ROBO2: variants seen among roughly 807,000 people sequenced by gnomAD.
The protein encoded by ROBO2 is roundabout guidance receptor 2, also known as roundabout homolog 2.
Under a neutral mutation model 160.8 loss-of-function variants are expected in ROBO2, and 53 were observed. The observed-to-expected ratio is 0.33, with a 90% confidence interval of 0.26 to 0.41. The LOEUF (loss-of-function observed/expected upper bound fraction) is 0.41, where lower values mean the gene tolerates loss of function less well. Ranked by LOEUF, ROBO2 falls within the 10% of genes least tolerant of loss-of-function variation. ROBO2 has a pLI of 1.00. For synonymous variants in ROBO2, 664 were observed against 611.7 expected (o/e 1.09, Z -1.26); for missense variants, 1,577 against 1,722.4 (o/e 0.92, Z 1.49).
In ROBO2 at chr3:76,652,169, G is replaced by A. The variant is rs146920026; in HGVS notation, c.110-445845G>A. Reference sequence around the variant, plus strand: ...AAGGCTAACTCAGAATTACTAGTCAGCCATGATTTTATCTTCTTCTGACCA... The same window carrying A: ...AAGGCTAACTCAGAATTACTAGTCAACCATGATTTTATCTTCTTCTGACCA... On this transcript the variant is annotated intron_variant, in intron 2 of 26. Coordinates refer to the ROBO2 transcript ENST00000487694. 1.1e-3 allele frequency among the ~76,000 whole-genome samples: 162 copies of A among 152,276 alleles called. 3 individuals are homozygous for A. The highest frequency in any genetic ancestry group is 3.8e-3 in the African/African-American group (157 of 41,558).
intron 2 of ROBO2, among the ~76,000 whole-genome samples, chr3:76,212,105 T>A (rs1020526318): frequency 3.3e-5 from 5 of 151,996 alleles, no homozygotes; most frequent in African/African-American, 9.7e-5. Context: ...TATTCAATTA[T>A]GTATGTTCTT....
intron 2 of ROBO2, among the ~76,000 whole-genome samples, chr3:77,368,026 T>C (rs982927921): frequency 1.3e-5 from 2 of 152,202 alleles, no homozygotes; most frequent in African/African-American, 2.4e-5. Flanking sequence ...GGAGTGTTTC[T>C]AGTGTCATCT....
intron 2 of ROBO2, among the ~76,000 whole-genome samples, chr3:76,801,831 A>C (rs2064222915): frequency 6.6e-6 from 1 of 152,196 alleles, no homozygotes; most frequent in Non-Finnish European, 1.5e-5. Context: ...CTTTTGATGT[A>C]AAGTGAGCAA....
chr3:75,920,193 GT>G (rs1268826352), intron 1 of ROBO2, among the ~76,000 whole-genome samples: 3 of 152,124 alleles, frequency 2.0e-5, no homozygotes, highest in African/African-American at 7.2e-5. Flanking sequence ...TCTAAACACT[GT>G]TTTACCTGTG....
At chr3:77,228,262 G>T (rs1218937741) in intron 2 of ROBO2, among the ~76,000 whole-genome samples, 1 of 151,986 alleles carries the variant, frequency 6.6e-6, no homozygotes, top group Non-Finnish European at 1.5e-5. Context: ...GAACTCCCGG[G>T]CTCAAGGGAT....
chr3:76,657,217 A>C (rs906016482), intron 2 of ROBO2, among the ~76,000 whole-genome samples: 7 of 150,340 alleles, frequency 4.7e-5, no homozygotes, highest in Admixed American at 1.3e-4. Context: ...CGAGGTCAGG[A>C]GATCGAGACC....
rs201494296 is a variant in ROBO2 at position 77,218,373 on chromosome 3, A to T, written c.388+120033A>T. On this transcript the variant is annotated intron_variant, in intron 2 of 25. Coordinates refer to ENST00000461745, the Ensembl canonical transcript of ROBO2. ...CATCCTTCATAGCTCAGCTGAAATT[A>T]TACTTTTTTTTTTTTTTTTGAAATG... Among the ~76,000 whole-genome samples the T allele has an allele frequency of 2.8e-4, 41 of 148,808 alleles. 1 individual carries two copies. The East Asian group carries it at 5.8e-3, about 21-fold the overall frequency.
intron 2 of ROBO2, among the ~76,000 whole-genome samples, chr3:76,841,496 G>A (rs567817338): frequency 2.0e-5 from 3 of 152,130 alleles, no homozygotes; most frequent in African/African-American, 7.2e-5. Context: ...CTGGTACATT[G>A]CCCCCCTCCC....
At chr3:75,959,230 G>A (rs1948822714) in intron 2 of ROBO2, among the ~76,000 whole-genome samples, 1 of 151,562 alleles carries the variant, frequency 6.6e-6, no homozygotes, top group African/African-American at 2.4e-5. Context: ...TAATTTTGTA[G>A]CATTTTGGGT....
chr3:76,605,802 C>T (rs1431233712), intron 2 of ROBO2, among the ~76,000 whole-genome samples: 1 of 145,256 alleles, frequency 6.9e-6, no homozygotes, highest in Non-Finnish European at 1.5e-5. Flanking sequence ...AGATTTTTCT[C>T]CCCCCCTTAT....
chr3:76,118,789 A>C (rs1309798360), intron 2 of ROBO2, among the ~76,000 whole-genome samples: 3 of 152,292 alleles, frequency 2.0e-5, no homozygotes, highest in Middle Eastern at 6.8e-3. Flanking sequence ...AGAGATGTCA[A>C]GTACAAATAT....
intron 2 of ROBO2, among the ~76,000 whole-genome samples, chr3:77,107,885 A>G (rs2073023707): frequency 6.6e-6 from 1 of 152,220 alleles, no homozygotes; most frequent in South Asian, 2.1e-4. Context: ...TTTTTCCATA[A>G]CATGAGGTAT....
intron 2 of ROBO2, among the ~76,000 whole-genome samples, chr3:77,425,252 A>G (rs968320086): frequency 3.3e-5 from 5 of 152,124 alleles, no homozygotes; most frequent in African/African-American, 1.2e-4. Context: ...TTGAACTAGT[A>G]AGGAGATATA....
intron 2 of ROBO2, among the ~76,000 whole-genome samples, chr3:76,183,454 C>T (rs781646404): frequency 1.3e-5 from 2 of 152,128 alleles, no homozygotes; most frequent in South Asian, 2.1e-4. Context: ...GTCTGTTATA[C>T]ATAATATATA....
chr3:76,756,231 T>C (rs2060960511), intron 2 of ROBO2, among the ~76,000 whole-genome samples: 1 of 151,844 alleles, frequency 6.6e-6, no homozygotes, highest in Admixed American at 6.6e-5. Flanking sequence ...ATGTAAAGAC[T>C]CCCAATTACC....
chr3:77,520,367 A>G (rs1421062725), intron 5 of ROBO2, among the ~76,000 whole-genome samples: 2 of 151,230 alleles, frequency 1.3e-5, no homozygotes, highest in African/African-American at 4.8e-5. Flanking sequence ...TTATTTGCCT[A>G]AGTGTCAGTT....
chr3:76,792,374 C>T (rs553024433), intron 2 of ROBO2, among the ~76,000 whole-genome samples: 6 of 151,766 alleles, frequency 4.0e-5, no homozygotes, highest in South Asian at 2.1e-4. Flanking sequence ...TTGGTATCCT[C>T]GGGGGTCCTG....
chr3:76,399,340 A>G (rs2077677871), intron 2 of ROBO2, among the ~76,000 whole-genome samples: 1 of 151,686 alleles, frequency 6.6e-6, no homozygotes, highest in South Asian at 2.1e-4. Context: ...CAGCACCTAG[A>G]GGAAGGAACT....
At chr3:77,016,808 A>T (rs2062293957) in intron 2 of ROBO2, among the ~76,000 whole-genome samples, 1 of 152,324 alleles carries the variant, frequency 6.6e-6, no homozygotes, top group Non-Finnish European at 1.5e-5. Context: ...ACCATGCTGC[A>T]CTAAAAGCTC....
Sources: allele counts gnomAD v4.1 joint callset (sites outside exome capture counted in the v4.1 genomes callset), GRCh38; gene constraint gnomAD v4.1.1; transcripts MANE v1.5; gene names NCBI Gene and HGNC (gene_info 2026-07-23, HGNC 2026-07-21).